CEP128: variants seen among roughly 807,000 people sequenced by gnomAD.
CEP128 encodes the protein centrosomal protein 128kDa.
In CEP128, 132 loss-of-function variants were observed where a neutral mutation model predicts 156.7. That is an observed-to-expected ratio of 0.84 (90% CI 0.73 to 0.97). The LOEUF (loss-of-function observed/expected upper bound fraction) is 0.97, where lower values mean the gene tolerates loss of function less well. Ranked by LOEUF, CEP128 falls within the 50% of genes least tolerant of loss-of-function variation. The pLI is 0.00. For synonymous variants in CEP128, 469 were observed against 448.9 expected (o/e 1.04, Z -0.57); for missense variants, 1,252 against 1,281.9 (o/e 0.98, Z 0.36).
intron 21 of CEP128, among the ~76,000 whole-genome samples, chr14:80,534,430 A>G (rs1240031342): frequency 6.6e-6 from 1 of 152,188 alleles, no homozygotes. Flanking sequence ...AGGGCAAAAT[A>G]CTTTGTGCAG....
chr14:80,906,460 A>C (rs544644645), intron 4 of CEP128, among the ~76,000 whole-genome samples: 1 of 152,296 alleles, frequency 6.6e-6, no homozygotes, highest in African/African-American at 2.4e-5. Flanking sequence ...CTCCCTTCTA[A>C]ATATTCCTTC....
At chr14:80,771,937 T>G (rs1900531407) in intron 16 of CEP128, among the ~76,000 whole-genome samples, 1 of 152,332 alleles carries the variant, frequency 6.6e-6, no homozygotes, top group African/African-American at 2.4e-5. Context: ...GTTAACTCTT[T>G]GGGCCAGAAC....
chr14:80,749,349 T>A (rs1477722945), intron 18 of CEP128, among the ~76,000 whole-genome samples: 1 of 152,104 alleles, frequency 6.6e-6, no homozygotes, highest in African/African-American at 2.4e-5. Context: ...GTGGCACTAA[T>A]CACAACGGCC....
intron 19 of CEP128, among the ~76,000 whole-genome samples, chr14:80,718,285 G>A (rs1897684777): frequency 6.6e-6 from 1 of 152,058 alleles, no homozygotes; most frequent in Admixed American, 6.6e-5. Flanking sequence ...CACATTATAG[G>A]TATATACATC....
Position 80,778,141 on chromosome 14 carries a change from A to G in CEP128, c.2212-95T>C, listed in dbSNP as rs527548606. On this transcript the variant is annotated intron_variant, in intron 15 of 24. Coordinates refer to ENST00000555265, the MANE Select transcript of CEP128 (RefSeq NM_152446.5). Reference sequence around the variant, plus strand: ...ATTTTATCAGTGGAAAAACACTGCAAGATTTCAGCTCGTTCAAAGCATTCA... The same window carrying G: ...ATTTTATCAGTGGAAAAACACTGCAGGATTTCAGCTCGTTCAAAGCATTCA... 2.6e-5 allele frequency: 26 copies of G among 991,914 alleles called. No homozygotes were observed. In the African/African-American group the frequency reaches 4.2e-4, roughly 16 times the overall value. 61.4% of individuals were successfully genotyped at this position (991,914 alleles called of 1,614,324 possible). A position where few individuals can be genotyped will look rare whatever the true frequency, so the allele number is the denominator to read the frequency against.
intron 19 of CEP128, among the ~76,000 whole-genome samples, chr14:80,584,304 C>A (rs151337683): frequency 6.6e-6 from 1 of 152,000 alleles, no homozygotes; most frequent in Non-Finnish European, 1.5e-5. Flanking sequence ...AGCCAGCACG[C>A]CTGGCTACTT....
chr14:80,557,248 A>G (rs1890474046), intron 21 of CEP128, among the ~76,000 whole-genome samples: 1 of 152,200 alleles, frequency 6.6e-6, no homozygotes, highest in Admixed American at 6.5e-5. Flanking sequence ...TCAGTTTTGC[A>G]TAGTATATAG....
chr14:80,595,254 AAGTTGG>A (rs765633428), intron 19 of CEP128, among the ~76,000 whole-genome samples: 26 of 152,198 alleles, frequency 1.7e-4, no homozygotes, highest in Non-Finnish European at 3.4e-4. Flanking sequence ...TCTCACTCAT[AAGTTGG>A]AGTTGAACAA....
chr14:80,479,062 C>T (rs931836417), intron 14 of CEP128, among the ~76,000 whole-genome samples: 6 of 152,288 alleles, frequency 3.9e-5, no homozygotes, highest in Non-Finnish European at 8.8e-5. Flanking sequence ...TGAGCCATTA[C>T]ATGTAAGTCT....
At chr14:80,534,460 T>C (rs1390507728) in intron 21 of CEP128, among the ~76,000 whole-genome samples, 1 of 152,132 alleles carries the variant, frequency 6.6e-6, no homozygotes, top group African/African-American at 2.4e-5. Flanking sequence ...AATATTTTGT[T>C]TTCTAAGTTG....
chr14:80,792,927 G>A lies in CEP128; in HGVS notation c.1393C>T (p.Leu465Phe), dbSNP rs1163970463. ...TCTTTCAGAGCCTCTGACTGCTGGAGCTCACTGAGGTACCGCTCAGCCTGC... is the reference window on the plus strand; with the variant it reads ...TCTTTCAGAGCCTCTGACTGCTGGAACTCACTGAGGTACCGCTCAGCCTGC... ...TKQAERYLSE[L>F]QQSEALKEEA... The change falls in exon 14 of 25, where the codon CTC (leucine) becomes TTC (phenylalanine). Residue 465 changes from leucine to phenylalanine, a missense_variant. Transcript: ENST00000555265. 1 of 1,614,164 alleles carries A rather than the reference G, an allele frequency of 6.2e-7. No homozygotes were observed.
intron 13 of CEP128, among the ~76,000 whole-genome samples, chr14:80,797,643 T>C (rs1883567914): frequency 6.6e-6 from 1 of 152,124 alleles, no homozygotes; most frequent in Non-Finnish European, 1.5e-5. Context: ...CTAACTGTAA[T>C]AAATATTTAT....
At chr14:80,828,732 A>C (rs1035566711) in intron 13 of CEP128, among the ~76,000 whole-genome samples, 15 of 152,220 alleles carry the variant, frequency 9.9e-5, no homozygotes, top group African/African-American at 3.4e-4. Context: ...GAGGTTCTGT[A>C]GGAGAGGTGT....
chr14:80,896,864 A>C (rs1889371791), intron 7 of CEP128, among the ~76,000 whole-genome samples: 1 of 152,176 alleles, frequency 6.6e-6, no homozygotes, highest in East Asian at 1.9e-4. Context: ...TCTAATTTAG[A>C]GTGAATACTT....
chr14:80,686,359 T>C (rs1467820900), intron 19 of CEP128, among the ~76,000 whole-genome samples: 2 of 152,064 alleles, frequency 1.3e-5, no homozygotes, highest in African/African-American at 4.8e-5. Flanking sequence ...ATAAAATCAT[T>C]TTTAGACAAG....
intron 19 of CEP128, among the ~76,000 whole-genome samples, chr14:80,734,213 CAG>C (rs1898414993): frequency 6.6e-6 from 1 of 152,120 alleles, no homozygotes; most frequent in Non-Finnish European, 1.5e-5. Context: ...CTAGTAGACA[CAG>C]TGTCGATGGC....
chr14:80,724,412 T>A (rs968010317), intron 19 of CEP128, among the ~76,000 whole-genome samples: 1 of 152,124 alleles, frequency 6.6e-6, no homozygotes, highest in Non-Finnish European at 1.5e-5. Context: ...AGATACATTA[T>A]AAGAACAGCC....
chr14:80,617,219 CTT>C (rs3069115), intron 19 of CEP128, among the ~76,000 whole-genome samples: 18 of 60,214 alleles, frequency 3.0e-4, no homozygotes, highest in African/African-American at 1.0e-3. Flanking sequence ...TGAATATCAT[CTT>C]TTTTTTTTTT....
intron 19 of CEP128, among the ~76,000 whole-genome samples, chr14:80,705,969 G>A (rs1487170942): frequency 2.0e-5 from 3 of 152,076 alleles, no homozygotes; most frequent in South Asian, 4.1e-4. Flanking sequence ...GTACAAGGAT[G>A]TTGTGTTGTA....
Sources: allele counts gnomAD v4.1 joint callset (sites outside exome capture counted in the v4.1 genomes callset), GRCh38; gene constraint gnomAD v4.1.1; transcripts MANE v1.5; gene names NCBI Gene and HGNC (gene_info 2026-07-23, HGNC 2026-07-21).